The following PKIA variants were observed in gnomAD, a reference collection of about 807,000 sequenced individuals.
PKIA encodes cAMP-dependent protein kinase inhibitor alpha, also known as PKI-alpha.
In PKIA, 4 loss-of-function variants were observed where a neutral mutation model predicts 7.6. The observed-to-expected ratio is 0.52, with a 90% CI of 0.26 to 1.20. The LOEUF is 1.20. Ranked by LOEUF, PKIA falls within the 50% of genes most tolerant of loss-of-function variation. PKIA has a pLI of 0.13. For missense variants in PKIA, 73 were observed against 86.2 expected, an observed-to-expected ratio of 0.85 and a Z score of 0.61; for synonymous variants, 21 against 30.7, an observed-to-expected ratio of 0.68 and a Z score of 1.04.
intron 1 of PKIA, among the ~76,000 whole-genome samples, chr8:78,520,827 G>A (rs1809402429): frequency 6.6e-6 from 1 of 152,232 alleles, no homozygotes; most frequent in South Asian, 2.1e-4. Flanking sequence ...TTACAGAATA[G>A]TTAAAGAACA....
At chr8:78,554,078 T>TGATATA (rs1807062715) in intron 1 of PKIA, among the ~76,000 whole-genome samples, 1 of 151,914 alleles carries the variant, frequency 6.6e-6, no homozygotes, top group Non-Finnish European at 1.5e-5. Context: ...TAGAGTGCAT[T>TGATATA]TATAAAGATG....
At chr8:78,597,881 T>A (rs985854233) in intron 2 of PKIA, among the ~76,000 whole-genome samples, 1 of 151,860 alleles carries the variant, frequency 6.6e-6, no homozygotes, top group Non-Finnish European at 1.5e-5. Context: ...CCATCAACAG[T>A]GGACGAGATC....
chr8:78,534,690 A>G (rs1056715528), intron 1 of PKIA: 1 of 152,142 alleles, frequency 6.6e-6, no homozygotes, highest in African/African-American at 2.4e-5. Flanking sequence ...TTACTCTTCA[A>G]GTAGTATCAA....
rs973971009 is a variant in PKIA, at chr8:78,603,138, GT to G, written c.*1322del. The G allele has an allele frequency of 6.6e-6, 1 of 152,404 alleles. No homozygotes were observed. Among genetic ancestry groups the G allele is most frequent in the Non-Finnish European group, 1.5e-5 (1 of 67,956 alleles). 9.4% of individuals were successfully genotyped at this position (152,404 alleles called of 1,614,324 possible). On this transcript the variant is annotated 3_prime_UTR_variant, in exon 4 of 4. Coordinates refer to ENST00000396418, the MANE Select transcript of PKIA (RefSeq NM_006823.4). The stretch of plus-strand genomic sequence containing the variant: ...TAACATCGTGCTTCTTATATGGAAA[GT>G]TTTTGTGAGCTGTGTAATCCCTCTG...
chr8:78,600,012 T>C (rs1279934354), intron 3 of PKIA, among the ~76,000 whole-genome samples: 1 of 150,440 alleles, frequency 6.6e-6, no homozygotes, highest in African/African-American at 2.4e-5. Flanking sequence ...TATGCATTAT[T>C]TTACAATTAA....
At chr8:78,549,311 G>A (rs1806917849) in intron 1 of PKIA, among the ~76,000 whole-genome samples, 1 of 151,778 alleles carries the variant, frequency 6.6e-6, no homozygotes, top group South Asian at 2.1e-4. Context: ...TTTTGGAAGA[G>A]AAAAAGCTAG....
At chr8:78,601,685 A>T (rs1808350861) in intron 3 of PKIA, 57 bp from the exon 4 acceptor site, 1 of 1,287,238 alleles carries the variant, frequency 7.8e-7, no homozygotes, top group South Asian at 1.3e-5. Context: ...GACAGTTGGT[A>T]AATAAAAGCA....
chr8:78,572,713 T>C (rs2118561248), intron 1 of PKIA, 98 bp from the exon 2 acceptor site: 1 of 152,212 alleles, frequency 6.6e-6, no homozygotes, highest in Non-Finnish European at 1.5e-5. Flanking sequence ...GTTATGATAC[T>C]GTTCAAATGA....
chr8:78,586,790 G>A (rs1192222695), intron 2 of PKIA, among the ~76,000 whole-genome samples: 1 of 152,034 alleles, frequency 6.6e-6, no homozygotes, highest in African/African-American at 2.4e-5. Flanking sequence ...ATTGGAAAAT[G>A]GTAACTGTAA....
chr8:78,567,981 C>T (rs990898111), intron 1 of PKIA, among the ~76,000 whole-genome samples: 2 of 152,132 alleles, frequency 1.3e-5, no homozygotes, highest in African/African-American at 4.8e-5. Context: ...ATATTTCTTG[C>T]CCTGGTTCTA....
intron 1 of PKIA, among the ~76,000 whole-genome samples, chr8:78,547,959 G>A (rs1806875985): frequency 1.3e-5 from 2 of 151,958 alleles, no homozygotes; most frequent in Admixed American, 1.3e-4. Context: ...ACCAGGAGAA[G>A]TACCTCTCTA....
chr8:78,557,162 G>A (rs755386709), intron 1 of PKIA, among the ~76,000 whole-genome samples: 7 of 152,012 alleles, frequency 4.6e-5, no homozygotes, highest in Admixed American at 1.3e-4. Flanking sequence ...TGAATGTGAC[G>A]CCAATTAATA....
intron 1 of PKIA, among the ~76,000 whole-genome samples, chr8:78,521,880 C>T (rs1275130785): frequency 6.6e-6 from 1 of 151,888 alleles, no homozygotes; most frequent in African/African-American, 2.4e-5. Flanking sequence ...TCCTCAGCCC[C>T]TGGTAAACAC....
intron 2 of PKIA, among the ~76,000 whole-genome samples, chr8:78,592,869 C>T (rs969861083): frequency 5.3e-5 from 8 of 152,092 alleles, no homozygotes; most frequent in African/African-American, 1.9e-4. Context: ...ATATAAACCC[C>T]TACAAGGATA....
At chr8:78,576,937 C>T (rs774702749) in intron 2 of PKIA, among the ~76,000 whole-genome samples, 10 of 151,816 alleles carry the variant, frequency 6.6e-5, no homozygotes, top group Non-Finnish European at 1.5e-4. Flanking sequence ...AACCTAAATG[C>T]CCATCAATGA....
At chr8:78,590,931 T>A (rs576597460) in intron 2 of PKIA, among the ~76,000 whole-genome samples, 1 of 152,326 alleles carries the variant, frequency 6.6e-6, no homozygotes, top group Non-Finnish European at 1.5e-5. Context: ...TCAAGGTCTT[T>A]AAACATACTT....
intron 3 of PKIA, among the ~76,000 whole-genome samples, chr8:78,601,174 G>A (rs1316650218): frequency 6.6e-6 from 1 of 152,028 alleles, no homozygotes; most frequent in Non-Finnish European, 1.5e-5. Context: ...GCAGACCAGA[G>A]GCCATTGTAA....
In PKIA at chr8:78,602,949, G is replaced by A. The variant is rs1808387536; in HGVS notation, c.*1128G>A. 6.6e-6 allele frequency: 1 copy of A among 152,190 alleles called. No homozygotes were observed. Among genetic ancestry groups the A allele is most frequent in the African/African-American group, 2.4e-5 (1 of 41,354 alleles). The allele number at this position is 152,190 out of a possible 1,614,324, so 9.4% of individuals were successfully genotyped here. A position where few individuals can be genotyped will look rare whatever the true frequency, so the allele number is the denominator to read the frequency against. On this transcript the variant is annotated 3_prime_UTR_variant, in exon 4 of 4. Coordinates refer to ENST00000396418, the MANE Select transcript of PKIA (RefSeq NM_006823.4). ...TAAAGCCCTGGTGTTGTGTTTTCAT[G>A]TCTTTTTTCAGCCCTCTCAGATCCA...
intron 1 of PKIA, among the ~76,000 whole-genome samples, chr8:78,523,987 T>TAA (rs1440119681): frequency 2.1e-4 from 26 of 125,864 alleles, no homozygotes; most frequent in African/African-American, 6.0e-4. Context: ...TATTTATAAA[T>TAA]ATATATAAAC....
Sources: allele counts gnomAD v4.1 joint callset (sites outside exome capture counted in the v4.1 genomes callset), GRCh38; gene constraint gnomAD v4.1.1; transcripts MANE v1.5; gene names NCBI Gene and HGNC (gene_info 2026-07-23, HGNC 2026-07-21).